The following FAF1 variants were observed in gnomAD, a reference collection of about 807,000 sequenced individuals.
FAF1 encodes the protein Fas associated factor 1, also known as FAS-associated factor 1.
A neutral mutation model predicts 92.5 loss-of-function variants in FAF1; 25 were observed. The observed-to-expected ratio is 0.27, with a 90% CI of 0.20 to 0.38. FAF1 has a LOEUF of 0.38. Among genes scored for constraint, FAF1 ranks in the 10% least tolerant of loss-of-function variants. The probability of loss-of-function intolerance (pLI) is 1.00; values close to 1 mark genes in which losing one functional copy is unlikely to be tolerated. For missense variants in FAF1, 636 were observed against 793.3 expected, an observed-to-expected ratio of 0.80 and a Z score of 2.38; for synonymous variants, 234 against 273.2, an observed-to-expected ratio of 0.86 and a Z score of 1.42.
chr1:50,448,739 G>A (rs930047387), intron 18 of FAF1, among the ~76,000 whole-genome samples: 2 of 152,110 alleles, frequency 1.3e-5, no homozygotes, highest in African/African-American at 4.8e-5. Context: ...CAACTTTTCC[G>A]GTAACAAAGG....
chr1:50,806,072 T>TA (rs1215948079), intron 2 of FAF1, among the ~76,000 whole-genome samples: 1 of 151,506 alleles, frequency 6.6e-6, no homozygotes, highest in African/African-American at 2.4e-5. Context: ...ATTAAGAAAA[T>TA]AAAAAGACAA....
At chr1:50,746,276 ATATATATATATATATATTTTTTTT>A (rs1158957791) in intron 4 of FAF1, among the ~76,000 whole-genome samples, 14 of 20,466 alleles carry the variant, frequency 6.8e-4, no homozygotes, top group South Asian at 2.8e-3. Flanking sequence ...ATATATATAT[ATATATATATATATATATTTTTTTT>A]TTTTTTTTTT....
intron 5 of FAF1, among the ~76,000 whole-genome samples, chr1:50,740,736 C>T (rs1659349675): frequency 1.3e-5 from 2 of 152,092 alleles, no homozygotes; most frequent in Non-Finnish European, 2.9e-5. Flanking sequence ...TATAACTTTA[C>T]AATTTACCAG....
intron 4 of FAF1, among the ~76,000 whole-genome samples, chr1:50,768,176 C>CA (rs1188887940): frequency 1.3e-5 from 2 of 151,890 alleles, no homozygotes; most frequent in Admixed American, 1.3e-4. Context: ...CACCTTAAAC[C>CA]AAAAAGATTA....
At chr1:50,522,388 T>C (rs1420597429) in intron 15 of FAF1, among the ~76,000 whole-genome samples, 1 of 152,148 alleles carries the variant, frequency 6.6e-6, no homozygotes, top group Non-Finnish European at 1.5e-5. Flanking sequence ...CCTCAGTAAA[T>C]GGGGGCAATT....
At chr1:50,509,120 G>A (rs979558577) in intron 15 of FAF1, among the ~76,000 whole-genome samples, 1 of 152,230 alleles carries the variant, frequency 6.6e-6, no homozygotes, top group East Asian at 1.9e-4. Context: ...CCAAGCCAAT[G>A]GCTAAACAAC....
At position 50,571,745 on chromosome 1, in the gene FAF1, C is replaced by T. The variant is rs1354121498; in HGVS notation, c.1114-4514G>A. 3.3e-5 allele frequency among the ~76,000 whole-genome samples: 5 copies of T among 152,126 alleles called. No individual in the cohort carries two copies. In the East Asian group the frequency reaches 9.6e-4, roughly 29 times the overall value. On this transcript the variant is annotated intron_variant, in intron 12 of 18. Coordinates refer to ENST00000396153, the MANE Select transcript of FAF1 (RefSeq NM_007051.3). ...GCTGACAGCAACCAATGTGACTTGG[C>T]CTTGAGCTACAGTAGCTATTGTATT...
intron 7 of FAF1, among the ~76,000 whole-genome samples, chr1:50,662,793 C>A (rs1015656429): frequency 3.6e-5 from 5 of 138,544 alleles, no homozygotes; most frequent in Non-Finnish European, 1.5e-5. Context: ...CGCCGCCTCC[C>A]GGGTTCACGT....
intron 2 of FAF1, among the ~76,000 whole-genome samples, chr1:50,839,220 A>AT (rs769666221): frequency 2.0e-5 from 3 of 152,070 alleles, no homozygotes; most frequent in Non-Finnish European, 4.4e-5. Flanking sequence ...TTCTACTATT[A>AT]TTTTTACAAA....
intron 2 of FAF1, among the ~76,000 whole-genome samples, chr1:50,835,713 A>G (rs896865503): frequency 6.6e-6 from 1 of 152,204 alleles, no homozygotes; most frequent in African/African-American, 2.4e-5. Context: ...AAATCATCGA[A>G]CACATAGAAC....
intron 4 of FAF1, among the ~76,000 whole-genome samples, chr1:50,774,877 G>C (rs1660900070): frequency 6.6e-6 from 1 of 152,026 alleles, no homozygotes; most frequent in Non-Finnish European, 1.5e-5. Context: ...TAAGAAAACA[G>C]AATTCAGAAG....
intron 4 of FAF1, among the ~76,000 whole-genome samples, chr1:50,758,899 G>C (rs1402806635): frequency 6.6e-6 from 1 of 152,130 alleles, no homozygotes; most frequent in Admixed American, 6.5e-5. Flanking sequence ...CTAGAGTGCA[G>C]TGGTGCGATC....
At chr1:50,481,366 A>AT (rs937231360) in intron 17 of FAF1, among the ~76,000 whole-genome samples, 1 of 152,160 alleles carries the variant, frequency 6.6e-6, no homozygotes, top group African/African-American at 2.4e-5. Context: ...CAGGTGCAAC[A>AT]TTTTTTATCC....
intron 18 of FAF1, among the ~76,000 whole-genome samples, chr1:50,456,435 G>A (rs185323550): frequency 6.6e-6 from 1 of 152,264 alleles, no homozygotes; most frequent in African/African-American, 2.4e-5. Context: ...ACCACCGTAA[G>A]GAGGAGGTAA....
intron 13 of FAF1, among the ~76,000 whole-genome samples, chr1:50,543,937 G>C (rs1473391775): frequency 6.6e-6 from 1 of 152,052 alleles, no homozygotes; most frequent in African/African-American, 2.4e-5. Flanking sequence ...TATGGCGAAA[G>C]GTCAAGGGGG....
chr1:50,674,873 T>TTTTA (rs1156737260), intron 7 of FAF1, among the ~76,000 whole-genome samples: 1 of 145,022 alleles, frequency 6.9e-6, no homozygotes, highest in Non-Finnish European at 1.6e-5. Flanking sequence ...TTTTATTTTA[T>TTTTA]TTTATTTTAT....
At chr1:50,942,573 C>T (rs966974874) in intron 1 of FAF1, among the ~76,000 whole-genome samples, 1 of 152,060 alleles carries the variant, frequency 6.6e-6, no homozygotes, top group Non-Finnish European at 1.5e-5. Context: ...GATTACCTAC[C>T]TTGCAGGGTG....
At chr1:50,696,768 C>T (rs1569787119) in intron 7 of FAF1, among the ~76,000 whole-genome samples, 1 of 151,998 alleles carries the variant, frequency 6.6e-6, no homozygotes, top group East Asian at 1.9e-4. Flanking sequence ...TTTCCTCACG[C>T]TTCCTTCATT....
intron 5 of FAF1, among the ~76,000 whole-genome samples, chr1:50,739,438 A>T (rs114066875): frequency 6.6e-6 from 1 of 152,092 alleles, no homozygotes; most frequent in Non-Finnish European, 1.5e-5. Flanking sequence ...ATGTGTGTAT[A>T]TATGTGTATA....
Sources: allele counts gnomAD v4.1 joint callset (sites outside exome capture counted in the v4.1 genomes callset), GRCh38; gene constraint gnomAD v4.1.1; transcripts MANE v1.5; gene names NCBI Gene and HGNC (gene_info 2026-07-23, HGNC 2026-07-21).